DLEC1: variants seen among roughly 807,000 people sequenced by gnomAD.
DLEC1 encodes the protein DLEC1 cilia and flagella associated protein.
Under a neutral mutation model 198.1 loss-of-function variants are expected in DLEC1, and 146 were observed. The ratio of observed to expected loss-of-function variants is 0.74; its 90% CI spans 0.64 to 0.85. The LOEUF is 0.85. DLEC1 is among the 40% of genes least tolerant of loss of function. The probability of loss-of-function intolerance (pLI) is 0.00; values close to 1 mark genes in which losing one functional copy is unlikely to be tolerated. For synonymous variants in DLEC1, 897 were observed against 866.8 expected (o/e 1.03, Z -0.61); for missense variants, 2,233 against 2,220.0 (o/e 1.01, Z -0.12).
intron 33 of DLEC1, among the ~76,000 whole-genome samples, chr3:38,118,684 C>G (rs1037308407): frequency 6.6e-6 from 1 of 151,942 alleles, no homozygotes; most frequent in African/African-American, 2.4e-5. Context: ...GGGTAGACAG[C>G]GCCGCCCTGT....
intron 10 of DLEC1, among the ~76,000 whole-genome samples, chr3:38,091,819 C>T (rs1335331232): frequency 1.3e-5 from 2 of 151,832 alleles, no homozygotes; most frequent in Non-Finnish European, 2.9e-5. Context: ...ACCTGACACC[C>T]GTTAGAATGG....
chr3:38,066,870 CTT>C (rs1362911569), intron 6 of DLEC1, among the ~76,000 whole-genome samples: 1 of 152,190 alleles, frequency 6.6e-6, no homozygotes, highest in East Asian at 1.9e-4. Context: ...AATGTGTTGT[CTT>C]TTGTACTTCT....
At chr3:38,120,363 G>T (rs1700383797) in intron 33 of DLEC1, 85 bp from the exon 34 acceptor site, 12 of 1,520,310 alleles carry the variant, frequency 7.9e-6, no homozygotes, top group Non-Finnish European at 1.1e-5. Context: ...CTGGGCCTGG[G>T]AGGAAAGGAG....
intron 24 of DLEC1, 103 bp downstream of exon 24, chr3:38,111,850 G>A (rs1699899756): frequency 1.5e-6 from 2 of 1,333,678 alleles, no homozygotes; most frequent in Non-Finnish European, 2.0e-6. Flanking sequence ...ACCAGGACCA[G>A]AGACTGCTCT....
chr3:38,082,593 G>A (rs895345793), intron 6 of DLEC1, among the ~76,000 whole-genome samples: 2 of 152,172 alleles, frequency 1.3e-5, no homozygotes, highest in Non-Finnish European at 2.9e-5. Context: ...GGGATTGGGG[G>A]TTCTTGCCCC....
At chr3:38,039,765 C>T (rs1483697389) in intron 1 of DLEC1, 129 bp downstream of exon 1, 3 of 1,245,330 alleles carry the variant, frequency 2.4e-6, no homozygotes, top group Non-Finnish European at 3.3e-6. Context: ...GCCCATCATG[C>T]CGAAGTGGGC....
chr3:38,093,681 A>G lies in DLEC1; in HGVS notation c.1833A>G (p.Thr611=), dbSNP rs75591921. ...EKSQPDPGEL[T]DLTAQHFIRF... is the part of the protein sequence containing the mutation. ...GCCAGCCAGACCCTGGAGAGCTCAC[A>G]GACTTAACAGCCCAGCACTTCATAC... is the stretch of plus-strand genomic sequence containing the variant. The change falls in exon 12 of 37, where the codon ACA becomes ACG. Residue 611 remains threonine, a synonymous_variant. Transcript: ENST00000308059. The G allele has an allele frequency of 2.4e-4, 394 of 1,614,254 alleles. 4 individuals carry two copies. The East Asian group carries it at 7.4e-3, about 30-fold the overall frequency.
At chr3:38,045,731 C>G in intron 2 of DLEC1, 38 bp downstream of exon 2, 1 of 1,565,904 alleles carries the variant, frequency 6.4e-7, no homozygotes, top group Non-Finnish European at 8.6e-7. Context: ...GCCCAATTCC[C>G]GGGCTGTTGA....
At chr3:38,060,890 C>T (rs534770189) in intron 3 of DLEC1, among the ~76,000 whole-genome samples, 62 of 152,108 alleles carry the variant, frequency 4.1e-4, no homozygotes, top group African/African-American at 1.5e-3. Context: ...GAGGGGGTTT[C>T]TCCATGTTGG....
In DLEC1 at chr3:38,085,446, A is replaced by T. The variant is rs767832098; in HGVS notation, c.1434A>T (p.Thr478=). The T allele has an allele frequency of 6.2e-7, 1 of 1,613,756 alleles. No homozygotes were observed. Among genetic ancestry groups the T allele is most frequent in the Admixed American group, 1.7e-5 (1 of 60,012 alleles). Residue 478 remains threonine, a splice_region_variant and synonymous_variant, in exon 8 of 37, where the codon ACA becomes ACT. Coordinates refer to ENST00000308059, the MANE Select transcript of DLEC1 (RefSeq NM_007335.4). ...CCCGGAGGCCGCCCCCCGTGCTGAC[A>T]TGTGAGTGTGCACCGTAGCTTCCCA... ...LQARRPPPVL[T]LSPVLDCGYC...
intron 22 of DLEC1, 33 bp from the exon 23 acceptor site, chr3:38,110,066 A>G (rs747116948): frequency 4.6e-5 from 74 of 1,610,626 alleles, no homozygotes; most frequent in Non-Finnish European, 6.1e-5. Context: ...GGTGTGTTAC[A>G]TAGTACCAAT....
intron 14 of DLEC1, 122 bp downstream of exon 14, chr3:38,096,068 G>T: frequency 8.4e-7 from 1 of 1,191,854 alleles, no homozygotes; most frequent in Non-Finnish European, 1.2e-6. Context: ...AGGCTTTGGG[G>T]AGTGAGAGCA....
intron 2 of DLEC1, among the ~76,000 whole-genome samples, chr3:38,046,787 C>G (rs745315695): frequency 6.6e-6 from 1 of 152,304 alleles, no homozygotes; most frequent in South Asian, 2.1e-4. Context: ...CTTTTTCCCC[C>G]CCTCAGGCCC....
At chr3:38,065,073 C>G (rs1696941118) in intron 6 of DLEC1, among the ~76,000 whole-genome samples, 2 of 152,220 alleles carry the variant, frequency 1.3e-5, no homozygotes, top group African/African-American at 4.8e-5. Flanking sequence ...GAGCGAGACT[C>G]CGTCTGCAAT....
At position 38,097,548 on chromosome 3, in the gene DLEC1, G is replaced by A. The variant is rs771565596; in HGVS notation, c.2476G>A (p.Gly826Ser). The A allele has an allele frequency of 8.7e-6, 14 of 1,614,194 alleles. No individual in the cohort carries two copies. The highest frequency in any genetic ancestry group is 1.1e-5 in the Non-Finnish European group (13 of 1,180,028). The change falls in exon 17 of 37, where the codon GGT (glycine) becomes AGT (serine). Residue 826 changes from glycine to serine, a missense_variant. Coordinates refer to ENST00000308059, the MANE Select transcript of DLEC1 (RefSeq NM_007335.4). The part of the protein sequence containing the change: ...VGDFELNFTG[G>S]VPGPTSQDLL... The stretch of plus-strand genomic sequence containing the variant: ...GGATTTTGAGTTGAACTTTACTGGG[G>A]GTGTCCCTGGCCCCACAAGCCAGGA...
intron 34 of DLEC1, among the ~76,000 whole-genome samples, chr3:38,120,930 A>G (rs865776355): frequency 2.6e-4 from 39 of 152,328 alleles, no homozygotes; most frequent in African/African-American, 7.9e-4. Context: ...AGGCCAAAAG[A>G]AAGGCCTGAT....
rs545393270 is a variant in DLEC1, at chr3:38,112,931, T to A, written c.3666+570T>A. Among the ~76,000 whole-genome samples, 12 of 152,330 alleles carry A rather than the reference T, an allele frequency of 7.9e-5. No individual in the cohort carries two copies. In the East Asian group the frequency reaches 2.1e-3, roughly 27 times the overall value. On this transcript the variant is annotated intron_variant, in intron 25 of 36. Transcript: ENST00000308059. The surrounding 1 kb of genome is among the most constrained non-coding windows in gnomAD (Gnocchi z 4.8). ...TGCATACGTTATCCTACCGTTAAGT[T>A]GTTAAATAGAAGATTTTCATGAACT...
At chr3:38,075,382 A>G (rs1697553954) in intron 6 of DLEC1, among the ~76,000 whole-genome samples, 2 of 152,132 alleles carry the variant, frequency 1.3e-5, no homozygotes, top group African/African-American at 2.4e-5. Context: ...TCAAGTTTGT[A>G]TTGGGGCCAA....
chr3:38,122,053 C>G lies in DLEC1; in HGVS notation c.5021-18C>G. ...GGGGCTGCCTGCACTCATGTGTCTT[C>G]CCTTCCCTTTGGTGCAGGCCAGCAG... On this transcript the variant is annotated intron_variant, in intron 35 of 36. Coordinates refer to ENST00000308059, the MANE Select transcript of DLEC1 (RefSeq NM_007335.4). 1 of 1,612,836 alleles carries G rather than the reference C, an allele frequency of 6.2e-7. No homozygotes were observed. The highest frequency in any genetic ancestry group is 1.1e-5 in the South Asian group (1 of 91,002).
Sources: gnomAD v4.1 joint callset for allele counts (sites outside exome capture counted in the v4.1 genomes callset) on GRCh38, gnomAD v4.1.1 for gene constraint, Gnocchi (gnomAD v3.1) non-coding constraint, MANE v1.5 for transcripts, NCBI Gene and HGNC (gene_info 2026-07-23, HGNC 2026-07-21) for gene names.